Variants in CFAP20DC observed in about 807,000 individuals in gnomAD.
The protein encoded by CFAP20DC is CFAP20 domain containing.
In CFAP20DC, 84 loss-of-function variants were observed where a neutral mutation model predicts 101.7. The ratio of observed to expected loss-of-function variants is 0.83; its 90% CI spans 0.69 to 0.99. The LOEUF is 0.99. Among genes scored for constraint, CFAP20DC ranks in the 50% least tolerant of loss-of-function variants. The pLI is 0.00. For missense variants in CFAP20DC, 1,007 were observed against 970.3 expected (o/e 1.04, Z -0.50); for synonymous variants, 359 against 351.2 (o/e 1.02, Z -0.25).
rs1482442913 is a variant in CFAP20DC at position 58,788,943 on chromosome 3, T to C, written c.2237+17452A>G. On this transcript the variant is annotated intron_variant, in intron 15 of 16. Transcript: ENST00000482387. This position sits in a 1 kb window ranked among gnomAD's most constrained non-coding sequence, Gnocchi z 4.2. ...AGAACCCACATATATGAAAAATGGG[T>C]TGGAAAAAATCTGTGTCATAATTTG... Among the ~76,000 whole-genome samples, 1 of 151,976 alleles carries C rather than the reference T, an allele frequency of 6.6e-6. No individual in the cohort carries two copies. Among genetic ancestry groups the C allele is most frequent in the Non-Finnish European group, 1.5e-5 (1 of 67,980 alleles).
chr3:58,821,279 A>G (rs369207614), intron 14 of CFAP20DC, among the ~76,000 whole-genome samples: 1 of 152,164 alleles, frequency 6.6e-6, no homozygotes, highest in Non-Finnish European at 1.5e-5. Flanking sequence ...GCAACAAAAG[A>G]CAAAATTGAC....
chr3:58,932,430 A>G (rs967800617), intron 5 of CFAP20DC, among the ~76,000 whole-genome samples: 11 of 152,088 alleles, frequency 7.2e-5, no homozygotes, highest in African/African-American at 2.2e-4. Flanking sequence ...GAATGCCACA[A>G]AGATACTCCT....
intron 6 of CFAP20DC, among the ~76,000 whole-genome samples, chr3:58,901,192 A>G (rs1489987161): frequency 6.6e-6 from 1 of 152,222 alleles, no homozygotes. Flanking sequence ...ATAAAACACA[A>G]AGTTCTCTGC....
At chr3:58,879,147 A>G (rs934990361) in intron 7 of CFAP20DC, among the ~76,000 whole-genome samples, 2 of 152,234 alleles carry the variant, frequency 1.3e-5, no homozygotes, top group Admixed American at 6.5e-5. Context: ...AGAGTTAACA[A>G]TAATCTATTG....
chr3:58,880,583 AATTTAAT>A (rs1258526792), intron 7 of CFAP20DC, among the ~76,000 whole-genome samples: 1 of 152,108 alleles, frequency 6.6e-6, no homozygotes, highest in African/African-American at 2.4e-5. Flanking sequence ...TGATTAAATG[AATTTAAT>A]ATTTAATATT....
chr3:58,822,005 T>G (rs2075688453), intron 14 of CFAP20DC, among the ~76,000 whole-genome samples: 1 of 143,892 alleles, frequency 6.9e-6, no homozygotes. Flanking sequence ...GGGACATGGA[T>G]GAAATTGGAA....
In CFAP20DC at chr3:59,019,721, T is replaced by G. The variant is rs562401391; in HGVS notation, c.278+19836A>C. On this transcript the variant is annotated intron_variant, in intron 4 of 16. Coordinates refer to ENST00000482387, the MANE Select transcript of CFAP20DC (RefSeq NM_001394063.1). ...CTTTCAAAATGTACTGAGGATGTCA[T>G]GTATTTGCTTTTGGTGTATACTTTA... 5.9e-5 allele frequency among the ~76,000 whole-genome samples: 9 copies of G among 152,214 alleles called. No individual in the cohort carries two copies. The South Asian group carries it at 1.0e-3, about 18-fold the overall frequency.
intron 6 of CFAP20DC, among the ~76,000 whole-genome samples, chr3:58,906,806 T>C (rs1341098747): frequency 3.3e-5 from 5 of 152,038 alleles, no homozygotes; most frequent in Admixed American, 2.6e-4. Flanking sequence ...TACACACCTG[T>C]AGTCCCAGCT....
At chr3:58,767,996 T>C (rs542056927) in intron 15 of CFAP20DC, among the ~76,000 whole-genome samples, 2 of 152,332 alleles carry the variant, frequency 1.3e-5, no homozygotes, top group South Asian at 2.1e-4. Flanking sequence ...TCTCCTACCC[T>C]TACCCCTTAT....
At position 58,724,670 on chromosome 3, in the gene CFAP20DC, T is replaced by C. The variant is rs192519599; in HGVS notation, c.198-7042A>G. 8.1e-4 allele frequency among the ~76,000 whole-genome samples: 123 copies of C among 152,356 alleles called. No individual in the cohort carries two copies. Among genetic ancestry groups the C allele is most frequent in the Middle Eastern group, 3.4e-3 (1 of 294 alleles). ...GCTTCTTAGATCTAAGTGATTGTAC[T>C]GAATATATAGCATGGAGACCAGAGC... On this transcript the variant is annotated intron_variant, in intron 3 of 3. Transcript: ENST00000486145. This position sits in a 1 kb window ranked among gnomAD's most constrained non-coding sequence, Gnocchi z 5.6.
At chr3:58,917,194 C>A (rs975304032) in intron 5 of CFAP20DC, among the ~76,000 whole-genome samples, 3 of 152,072 alleles carry the variant, frequency 2.0e-5, no homozygotes, top group African/African-American at 7.2e-5. Context: ...CAAAGGGTGA[C>A]AGAATGATTC....
intron 4 of CFAP20DC, among the ~76,000 whole-genome samples, chr3:58,998,843 C>T (rs1282419575): frequency 1.3e-5 from 2 of 152,200 alleles, no homozygotes; most frequent in Non-Finnish European, 2.9e-5. Flanking sequence ...GAAATAAATG[C>T]TAGCCATTAA....
At chr3:58,829,272 G>C (rs943791721) in intron 14 of CFAP20DC, among the ~76,000 whole-genome samples, 3 of 143,374 alleles carry the variant, frequency 2.1e-5, no homozygotes, top group African/African-American at 7.8e-5. Flanking sequence ...AGTGAGCCAA[G>C]ATCGAGCCAC....
chr3:59,011,924 AG>A (rs2093592623), intron 4 of CFAP20DC, among the ~76,000 whole-genome samples: 1 of 152,204 alleles, frequency 6.6e-6, no homozygotes. Flanking sequence ...AATTAATCCT[AG>A]TACTCAATGA....
At chr3:58,906,957 TG>T (rs2083652426) in intron 6 of CFAP20DC, among the ~76,000 whole-genome samples, 1 of 152,112 alleles carries the variant, frequency 6.6e-6, no homozygotes, top group Non-Finnish European at 1.5e-5. Flanking sequence ...AGATGCAGTC[TG>T]GAAAGTAAAC....
At chr3:58,848,876 C>T (rs2077969741) in intron 13 of CFAP20DC, among the ~76,000 whole-genome samples, 156 bp downstream of exon 13, 3 of 152,080 alleles carry the variant, frequency 2.0e-5, no homozygotes, top group Admixed American at 6.5e-5. Flanking sequence ...TTAACAGCTG[C>T]TATTACCAAA....
chr3:58,732,583 T>C lies in CFAP20DC; in HGVS notation c.198-14955A>G, dbSNP rs530814638. Among the ~76,000 whole-genome samples, 13 of 152,198 alleles carry C rather than the reference T, an allele frequency of 8.5e-5. No individual in the cohort carries two copies. The highest frequency in any genetic ancestry group is 1.9e-4 in the Non-Finnish European group (13 of 68,036). On this transcript the variant is annotated intron_variant, in intron 3 of 3. Coordinates refer to the CFAP20DC transcript ENST00000486145. This position sits in a 1 kb window ranked among gnomAD's most constrained non-coding sequence, Gnocchi z 5.4. ...GTACAGTTCTTTTTCCAGCTCAGTA[T>C]TGAAAATGGAAATAAAACCGAATGG...
chr3:58,988,258 T>C (rs958357363), intron 4 of CFAP20DC, among the ~76,000 whole-genome samples: 2 of 152,096 alleles, frequency 1.3e-5, no homozygotes, highest in African/African-American at 4.8e-5. Flanking sequence ...CCATGAATAA[T>C]AACAAGCTTT....
chr3:58,827,405 C>T (rs2076112952), intron 14 of CFAP20DC, among the ~76,000 whole-genome samples: 1 of 123,408 alleles, frequency 8.1e-6, no homozygotes, highest in Non-Finnish European at 1.6e-5. Flanking sequence ...CAGAGTGGCT[C>T]ACTTGTGTGT....
Sources: gnomAD v4.1 joint callset for allele counts (sites outside exome capture counted in the v4.1 genomes callset) on GRCh38, gnomAD v4.1.1 for gene constraint, Gnocchi (gnomAD v3.1) non-coding constraint, MANE v1.5 for transcripts, NCBI Gene and HGNC (gene_info 2026-07-23, HGNC 2026-07-21) for gene names.